CSTF3: variants seen among roughly 807,000 people sequenced by gnomAD.
CSTF3 encodes the protein cleavage stimulation factor subunit 3.
CSTF3 carries 29 observed loss-of-function variants against 105.8 expected under a neutral mutation model. That is an observed-to-expected ratio of 0.27 (90% CI 0.20 to 0.37). CSTF3 has a LOEUF of 0.37. CSTF3 is among the 10% of genes least tolerant of loss of function. CSTF3 has a pLI of 1.00. For synonymous variants in CSTF3, 252 were observed against 281.9 expected (o/e 0.89, Z 1.06); for missense variants, 357 against 879.3 (o/e 0.41, Z 7.51).
chr11:33,158,436 GAC>G (rs1305675948), intron 1 of CSTF3, among the ~76,000 whole-genome samples: 1 of 152,142 alleles, frequency 6.6e-6, no homozygotes, highest in African/African-American at 2.4e-5. Context: ...CCAGTAAACA[GAC>G]ACAGACCAAC....
At chr11:33,122,969 G>A (rs910420754) in intron 3 of CSTF3, among the ~76,000 whole-genome samples, 2 of 148,228 alleles carry the variant, frequency 1.3e-5, no homozygotes, top group Admixed American at 1.3e-4. Context: ...ATGTAAAACA[G>A]GTCAGTAAGA....
At chr11:33,152,404 C>T (rs982658008) in intron 1 of CSTF3, among the ~76,000 whole-genome samples, 1 of 152,218 alleles carries the variant, frequency 6.6e-6, no homozygotes, top group African/African-American at 2.4e-5. Flanking sequence ...GCTGGGACTA[C>T]AGGCGTGCAC....
intron 1 of CSTF3, among the ~76,000 whole-genome samples, chr11:33,144,311 T>C (rs149962463): frequency 2.1e-4 from 32 of 152,308 alleles, no homozygotes; most frequent in Non-Finnish European, 3.7e-4. Context: ...AAAAGACATG[T>C]TGACTACTGT....
rs1264534688 is a variant in CSTF3 at position 33,085,301 on chromosome 11, A to AAAC, written c.1952-15_1952-13dup. On this transcript the variant is annotated splice_polypyrimidine_tract_variant and intron_variant, in intron 20 of 20. Coordinates refer to ENST00000323959, the MANE Select transcript of CSTF3 (RefSeq NM_001326.3). ...AGCTTCCTCAACAGCTATTAAAACA[A>AAAC]AACAACAAAACGTAAAAACATATTC... is the stretch of plus-strand genomic sequence containing the variant. 1 of 1,521,992 alleles carries AAAC rather than the reference A, an allele frequency of 6.6e-7. No homozygotes were observed. Among genetic ancestry groups the AAAC allele is most frequent in the African/African-American group, 1.4e-5 (1 of 71,162 alleles). The allele number at this position is 1,521,992 out of a possible 1,614,324, so 94.3% of individuals were successfully genotyped here. A position where few individuals can be genotyped will look rare whatever the true frequency, so the allele number is the denominator to read the frequency against.
rs1855394638 is a variant in CSTF3 at position 33,112,985 on chromosome 11, A to G, written c.226-4567T>C. ...TGCTTTGGGAGGCCTCGGTGGGTGG[A>G]TTGCTTGAGGCCACGAATTCAAGAC... On this transcript the variant is annotated intron_variant, in intron 3 of 20. Transcript: ENST00000323959. 3.9e-5 allele frequency among the ~76,000 whole-genome samples: 6 copies of G among 152,120 alleles called. No individual in the cohort carries two copies. In the South Asian group the frequency reaches 1.2e-3, roughly 32 times the overall value.
chr11:33,121,075 T>C (rs1242348274), intron 3 of CSTF3, among the ~76,000 whole-genome samples: 1 of 152,052 alleles, frequency 6.6e-6, no homozygotes, highest in Non-Finnish European at 1.5e-5. Context: ...CCATTACTTT[T>C]CTTGAATGAA....
At chr11:33,139,689 C>T (rs1242535925) in intron 3 of CSTF3, among the ~76,000 whole-genome samples, 3 of 151,778 alleles carry the variant, frequency 2.0e-5, no homozygotes, top group Non-Finnish European at 4.4e-5. Context: ...AAAAAATATA[C>T]ATATATATTA....
At chr11:33,100,217 T>G (rs1170123691) in intron 10 of CSTF3, among the ~76,000 whole-genome samples, 1 of 151,892 alleles carries the variant, frequency 6.6e-6, no homozygotes, top group Non-Finnish European at 1.5e-5. Flanking sequence ...TAGCCAGGCA[T>G]GGTGGTGGGT....
At chr11:33,114,226 C>A (rs986435573) in intron 3 of CSTF3, among the ~76,000 whole-genome samples, 1 of 152,082 alleles carries the variant, frequency 6.6e-6, no homozygotes, top group Non-Finnish European at 1.5e-5. Context: ...CATGTCCTTT[C>A]CCTGGAATAT....
intron 15 of CSTF3, among the ~76,000 whole-genome samples, chr11:33,095,377 T>C (rs1297565350): frequency 6.6e-6 from 1 of 152,236 alleles, no homozygotes; most frequent in Non-Finnish European, 1.5e-5. Context: ...CCAACTTTTA[T>C]ACTACATCTT....
intron 3 of CSTF3, among the ~76,000 whole-genome samples, chr11:33,113,978 T>C (rs1286430693): frequency 6.6e-6 from 1 of 152,208 alleles, no homozygotes; most frequent in Non-Finnish European, 1.5e-5. Context: ...CCAATACTTT[T>C]GAATACTTCA....
At chr11:33,115,838 G>C (rs985423057) in intron 3 of CSTF3, among the ~76,000 whole-genome samples, 7 of 152,172 alleles carry the variant, frequency 4.6e-5, no homozygotes, top group Non-Finnish European at 1.5e-5. Context: ...ATTTTGGGAG[G>C]CCGAAGGGAG....
At chr11:33,115,210 GCTGT>G (rs1189585513) in intron 3 of CSTF3, among the ~76,000 whole-genome samples, 3 of 152,284 alleles carry the variant, frequency 2.0e-5, no homozygotes, top group East Asian at 3.9e-4. Context: ...ATGCAGAGAA[GCTGT>G]CTGATTCTAC....
At chr11:33,122,240 T>C (rs1269321328) in intron 3 of CSTF3, among the ~76,000 whole-genome samples, 1 of 152,206 alleles carries the variant, frequency 6.6e-6, no homozygotes, top group Non-Finnish European at 1.5e-5. Context: ...TGTTTACTGT[T>C]AATAGAATAT....
chr11:33,153,926 T>C (rs1487968880), intron 1 of CSTF3, among the ~76,000 whole-genome samples: 2 of 151,882 alleles, frequency 1.3e-5, no homozygotes, highest in South Asian at 2.1e-4. Flanking sequence ...AAAAGCAGAG[T>C]TGAGCCTCAA....
intron 3 of CSTF3, among the ~76,000 whole-genome samples, chr11:33,139,727 T>C (rs893262420): frequency 2.6e-5 from 4 of 151,994 alleles, no homozygotes; most frequent in Admixed American, 1.3e-4. Flanking sequence ...ATACATGTTA[T>C]ATATACCTAT....
At chr11:33,086,153 C>T (rs1284427893) in intron 18 of CSTF3, among the ~76,000 whole-genome samples, 164 bp from the exon 19 acceptor site, 3 of 151,238 alleles carry the variant, frequency 2.0e-5, no homozygotes, top group African/African-American at 4.9e-5. Flanking sequence ...AGACAGCAGT[C>T]TCAATGCCGT....
At chr11:33,158,534 T>C (rs1849895329) in intron 1 of CSTF3, among the ~76,000 whole-genome samples, 1 of 152,152 alleles carries the variant, frequency 6.6e-6, no homozygotes. Flanking sequence ...TATCAATTGA[T>C]AACTAGGTAT....
rs533335215 is a variant in CSTF3 at position 33,107,802 on chromosome 11, A to G, written c.356+101T>C. 44 of 652,596 alleles carry G rather than the reference A, an allele frequency of 6.7e-5. No individual in the cohort carries two copies. The Admixed American group carries it at 8.8e-4, about 13-fold the overall frequency. 40.4% of individuals were successfully genotyped at this position (652,596 alleles called of 1,614,324 possible). A position where few individuals can be genotyped will look rare whatever the true frequency, so the allele number is the denominator to read the frequency against. On this transcript the variant is annotated intron_variant, in intron 5 of 20. Transcript: ENST00000323959. ...GGAAATCCTGACTTTTCAAATCCTG[A>G]TAATTCTTCCCACTTGGGGCTAACA...
Sources: allele counts gnomAD v4.1 joint callset (sites outside exome capture counted in the v4.1 genomes callset), GRCh38; gene constraint gnomAD v4.1.1; transcripts MANE v1.5; gene names NCBI Gene and HGNC (gene_info 2026-07-23, HGNC 2026-07-21).